The following CCT4 variants were observed in gnomAD, a reference collection of about 807,000 sequenced individuals.
CCT4 encodes the protein chaperonin containing TCP1 subunit 4.
In CCT4, 17 loss-of-function variants were observed where a neutral mutation model predicts 62.5. The ratio of observed to expected loss-of-function variants is 0.27; its 90% CI spans 0.19 to 0.41. The LOEUF (loss-of-function observed/expected upper bound fraction) is 0.41. CCT4 is among the 10% of genes least tolerant of loss of function. The pLI is 1.00. For missense variants in CCT4, 592 were observed against 659.2 expected (o/e 0.90, Z 1.12); for synonymous variants, 250 against 229.9 (o/e 1.09, Z -0.79).
In CCT4 at chr2:61,885,405, C is replaced by G. The variant is rs34887496; in HGVS notation, c.128-333G>C. ...TGCTTCACTTCTGTTAGTCAACGTA[C>G]ACAGTATTATTATTATTATTTTTTG... On this transcript the variant is annotated intron_variant, in intron 1 of 13. Transcript: ENST00000394440. Among the ~76,000 whole-genome samples, 1,039 of 151,868 alleles carry G rather than the reference C, an allele frequency of 6.8e-3. 9 individuals carry two copies. The highest frequency in any genetic ancestry group is 0.037 in the Middle Eastern group (11 of 294).
rs1669013962 is a variant in CCT4, at chr2:61,876,985, T to A, written c.712A>T (p.Ile238Leu). 1.2e-6 allele frequency: 2 copies of A among 1,613,222 alleles called. No homozygotes were observed. The highest frequency in any genetic ancestry group is 3.3e-5 in the Admixed American group (2 of 59,996). The part of the protein sequence containing the change: ...VLTQKVSNSG[I>L]TRVEKAKIGL... ...ATCTTGGCCTTTTCAACTCTGGTTA[T>A]GCCAGAATTTGACACTTTTTGGGTG... is the stretch of plus-strand genomic sequence containing the variant. The change falls in exon 7 of 14, where the codon ATA becomes TTA. Residue 238 changes from isoleucine to leucine, a missense_variant. Ile to Leu is a conservative substitution (Grantham distance 5, BLOSUM62 2). Around this residue, in one of 3 missense-constraint regions of CCT4, gnomAD observed 522 missense variants for 571.2 expected, o/e 0.91. Coordinates refer to ENST00000394440, the MANE Select transcript of CCT4 (RefSeq NM_006430.4).
chr2:61,884,450 A>G (rs2105141358), intron 2 of CCT4, among the ~76,000 whole-genome samples: 1 of 151,744 alleles, frequency 6.6e-6, no homozygotes, highest in East Asian at 1.9e-4. Context: ...AACTGGGATT[A>G]CAGGTGCCCG....
intron 1 of CCT4, among the ~76,000 whole-genome samples, chr2:61,886,612 G>A (rs1056382580): frequency 6.6e-6 from 1 of 152,154 alleles, no homozygotes; most frequent in African/African-American, 2.4e-5. Context: ...CATCTTCACA[G>A]ATAACTTAGG....
intron 8 of CCT4, 138 bp from the exon 9 acceptor site, chr2:61,873,431 C>A: frequency 1.7e-6 from 1 of 577,282 alleles, no homozygotes; most frequent in Non-Finnish European, 3.1e-6. Context: ...TTACTAAGTT[C>A]GTAAGGTCAA....
intron 7 of CCT4, 51 bp downstream of exon 7, chr2:61,876,869 G>C (rs369548069): frequency 1.9e-5 from 28 of 1,464,320 alleles, no homozygotes; most frequent in African/African-American, 2.9e-5. Context: ...AAATGCCTGA[G>C]TTATTAAAAA....
chr2:61,872,666 G>T, intron 10 of CCT4, 78 bp from the exon 11 acceptor site: 2 of 1,473,450 alleles, frequency 1.4e-6, no homozygotes, highest in Non-Finnish European at 9.3e-7. Context: ...GGCGGCTCAC[G>T]CCTGTAAACC....
In CCT4 at chr2:61,880,202, A is replaced by G. The variant is rs1243618078; in HGVS notation, c.379+84T>C. The stretch of plus-strand genomic sequence containing the variant: ...TATTCCAAATTAAATCTTCAATCCC[A>G]TATTACTTATGAATAACTTGGCTTT... On this transcript the variant is annotated intron_variant, in intron 4 of 13. Transcript: ENST00000394440. The G allele has an allele frequency of 1.3e-5, 8 of 629,744 alleles. No homozygotes were observed. The Admixed American group carries it at 2.4e-4, about 19-fold the overall frequency. 39.0% of individuals were successfully genotyped at this position (629,744 alleles called of 1,614,324 possible). A position where few individuals can be genotyped will look rare whatever the true frequency, so the allele number is the denominator to read the frequency against.
At chr2:61,888,275 G>T in intron 1 of CCT4, 106 bp downstream of exon 1, 1 of 1,358,382 alleles carries the variant, frequency 7.4e-7, no homozygotes. Context: ...GAGGACAAGA[G>T]AGGATCACCC....
intron 1 of CCT4, 137 bp from the exon 2 acceptor site, chr2:61,885,209 C>T: frequency 3.6e-6 from 2 of 549,364 alleles, no homozygotes. Context: ...CCCAGAATAG[C>T]TGGGAGTATG....
At chr2:61,873,328 G>C (rs752105942) in intron 8 of CCT4, 35 bp from the exon 9 acceptor site, 12 of 1,193,518 alleles carry the variant, frequency 1.0e-5, no homozygotes, top group Non-Finnish European at 1.3e-5. Flanking sequence ...GTCAATGCTA[G>C]ATTAAAAAAA....
At chr2:61,876,720 A>G (rs530478418) in intron 7 of CCT4, among the ~76,000 whole-genome samples, 200 bp downstream of exon 7, 1 of 152,328 alleles carries the variant, frequency 6.6e-6, no homozygotes, top group South Asian at 2.1e-4. Context: ...GCAAATGGCT[A>G]GCTCTCAATT....
intron 5 of CCT4, among the ~76,000 whole-genome samples, chr2:61,877,890 T>C (rs1255630437): frequency 6.6e-6 from 1 of 152,172 alleles, no homozygotes; most frequent in Non-Finnish European, 1.5e-5. Flanking sequence ...TTGATAAAAA[T>C]TGCTAACATT....
chr2:61,869,868 A>AGG (rs1448670838), intron 12 of CCT4, among the ~76,000 whole-genome samples: 1 of 149,682 alleles, frequency 6.7e-6, no homozygotes, highest in Non-Finnish European at 1.5e-5. Flanking sequence ...TCCTGATCTC[A>AGG]TGATCTGCCC....
intron 2 of CCT4, 24 bp from the exon 3 acceptor site, chr2:61,883,572 T>C (rs1669164264): frequency 1.8e-6 from 2 of 1,121,768 alleles, no homozygotes; most frequent in East Asian, 2.4e-5. Flanking sequence ...TTTAAAGTTA[T>C]ATTTCAATGT....
intron 3 of CCT4, among the ~76,000 whole-genome samples, chr2:61,881,659 T>C (rs1186290883): frequency 6.6e-6 from 1 of 152,182 alleles, no homozygotes; most frequent in Non-Finnish European, 1.5e-5. Context: ...TCATTTTCTA[T>C]TTTTTAAGTA....
At chr2:61,873,360 A>T in intron 8 of CCT4, 67 bp from the exon 9 acceptor site, 1 of 742,334 alleles carries the variant, frequency 1.3e-6, no homozygotes, top group Non-Finnish European at 2.3e-6. Context: ...AAATGCCTTT[A>T]AGGTTTTAAT....
At chr2:61,868,795 C>T in intron 13 of CCT4, 89 bp from the exon 14 acceptor site, 1 of 949,512 alleles carries the variant, frequency 1.1e-6, no homozygotes, top group Non-Finnish European at 1.7e-6. Context: ...AAAGGAAAAC[C>T]TGTATTAAGA....
chr2:61,875,766 C>A (rs1668984558), intron 8 of CCT4, among the ~76,000 whole-genome samples: 1 of 151,906 alleles, frequency 6.6e-6, no homozygotes. Flanking sequence ...TTTAAAAAAC[C>A]TACTTTTTTT....
Position 61,868,497 on chromosome 2 carries a change from T to C in CCT4, c.*195A>G, listed in dbSNP as rs1481748660. 1 of 510,648 alleles carries C rather than the reference T, an allele frequency of 2.0e-6. No individual in the cohort carries two copies. Among genetic ancestry groups the C allele is most frequent in the African/African-American group, 1.9e-5 (1 of 52,546 alleles). The allele number at this position is 510,648 out of a possible 1,614,324, so 31.6% of individuals were successfully genotyped here. A position where few individuals can be genotyped will look rare whatever the true frequency, so the allele number is the denominator to read the frequency against. The stretch of plus-strand genomic sequence containing the variant: ...GAAATAACAGAATGTTGGGAGAAGA[T>C]AAATCTGCCTTTTGAAACCAAATAT... On this transcript the variant is annotated 3_prime_UTR_variant, in exon 14 of 14. Transcript: ENST00000394440.
Sources: allele counts gnomAD v4.1 joint callset (sites outside exome capture counted in the v4.1 genomes callset), GRCh38; gene constraint gnomAD v4.1.1; regional missense constraint gnomAD v4.1.1; transcripts MANE v1.5; gene names NCBI Gene and HGNC (gene_info 2026-07-23, HGNC 2026-07-21).